The following TRPC5 variants were observed in gnomAD, a reference collection of about 807,000 sequenced individuals.
TRPC5 encodes short transient receptor potential channel 5.
A neutral mutation model predicts 56.5 loss-of-function variants in TRPC5; 9 were observed. That is an observed-to-expected ratio of 0.16 (90% CI 0.10 to 0.28). The LOEUF (loss-of-function observed/expected upper bound fraction) is 0.28. Among genes scored for constraint, TRPC5 ranks in the 10% least tolerant of loss-of-function variants. TRPC5 has a pLI of 1.00. For missense variants in TRPC5, 469 were observed against 748.9 expected, an observed-to-expected ratio of 0.63 and a Z score of 4.36; for synonymous variants, 282 against 278.5, an observed-to-expected ratio of 1.01 and a Z score of -0.13.
chrX:111,852,546 G>A (rs999871107), intron 4 of TRPC5, 109 bp from the exon 5 acceptor site: 49 of 889,443 alleles, frequency 5.5e-5, no homozygotes, highest in South Asian at 5.0e-4. Flanking sequence ...ATGAATTGGG[G>A]TCTCAGTGGA....
intron 2 of TRPC5, among the ~76,000 whole-genome samples, chrX:111,916,455 T>C (rs1925978878): frequency 8.9e-6 from 1 of 112,062 alleles, no homozygotes; most frequent in Non-Finnish European, 1.9e-5. Flanking sequence ...GCTGTTTTTA[T>C]TCCTTCCCAG....
Position 111,774,252 on chromosome X carries a change from T to C in TRPC5, c.*2061A>G, listed in dbSNP as rs1441623680. ...AACTTATAAGTTTTCAGAAGTGATA[T>C]ACATTTCTGAGAAAAACATGTTTTT... On this transcript the variant is annotated 3_prime_UTR_variant, in exon 11 of 11. Transcript: ENST00000262839. 1 of 112,182 alleles carries C rather than the reference T, an allele frequency of 8.9e-6. No individual in the cohort carries two copies. The highest frequency in any genetic ancestry group is 9.5e-5 in the Admixed American group (1 of 10,571). 9.2% of individuals were successfully genotyped at this position (112,182 alleles called of 1,213,427 possible).
intron 7 of TRPC5, among the ~76,000 whole-genome samples, chrX:111,802,873 T>A (rs1281771265): frequency 1.8e-5 from 2 of 111,458 alleles, no homozygotes; most frequent in African/African-American, 6.5e-5. Flanking sequence ...TATGTATTTT[T>A]TTATTATTAT....
intron 3 of TRPC5, among the ~76,000 whole-genome samples, chrX:111,863,203 C>A (rs1373061226): frequency 9.0e-6 from 1 of 111,725 alleles, no homozygotes; most frequent in Non-Finnish European, 1.9e-5. Context: ...CATCAGGTTA[C>A]TTTTTTTGGC....
At chrX:111,966,765 G>C (rs1927597355) in intron 1 of TRPC5, among the ~76,000 whole-genome samples, 1 of 112,402 alleles carries the variant, frequency 8.9e-6, no homozygotes, top group Admixed American at 9.4e-5. Flanking sequence ...AAAGGCTTTT[G>C]ACAAAATTCA....
chrX:111,922,795 A>G (rs991256220), intron 2 of TRPC5, among the ~76,000 whole-genome samples: 6 of 111,867 alleles, frequency 5.4e-5, no homozygotes, highest in African/African-American at 1.9e-4. Context: ...CACAGAACCC[A>G]CTGGCCTTTA....
intron 1 of TRPC5, among the ~76,000 whole-genome samples, chrX:112,033,993 C>G (rs1929657334): frequency 8.9e-6 from 1 of 112,244 alleles, no homozygotes; most frequent in Non-Finnish European, 1.9e-5. Flanking sequence ...GTGTATGTCT[C>G]TCCTTATGCC....
chrX:112,004,951 A>G (rs1003619179), intron 1 of TRPC5, among the ~76,000 whole-genome samples: 3 of 111,585 alleles, frequency 2.7e-5, no homozygotes, highest in Non-Finnish European at 5.6e-5. Context: ...TTAAGAAGCT[A>G]CATTTCTCAT....
intron 2 of TRPC5, among the ~76,000 whole-genome samples, chrX:111,949,875 C>T (rs1230916541): frequency 1.8e-5 from 2 of 111,214 alleles, no homozygotes; most frequent in African/African-American, 6.6e-5. Flanking sequence ...AGTCATTATA[C>T]GAAAAAGATA....
intron 2 of TRPC5, among the ~76,000 whole-genome samples, chrX:111,923,240 A>AAGT (rs1259223188): frequency 8.9e-6 from 1 of 112,149 alleles, no homozygotes; most frequent in Admixed American, 9.5e-5. Context: ...GACATATCTT[A>AAGT]AGTACATATT....
intron 1 of TRPC5, among the ~76,000 whole-genome samples, chrX:112,064,082 T>A (rs1432187682): frequency 1.8e-5 from 2 of 112,325 alleles, no homozygotes; most frequent in African/African-American, 3.2e-5. Context: ...CTGTCATATA[T>A]AGGAAAGTAA....
At chrX:111,784,201 G>A (rs1480725955) in intron 7 of TRPC5, among the ~76,000 whole-genome samples, 1 of 111,725 alleles carries the variant, frequency 9.0e-6, no homozygotes, top group Non-Finnish European at 1.9e-5. Context: ...ACTCTAATAG[G>A]AAAGCATAGG....
intron 3 of TRPC5, among the ~76,000 whole-genome samples, chrX:111,876,800 A>C (rs933368726): frequency 7.2e-5 from 8 of 111,804 alleles, no homozygotes; most frequent in African/African-American, 2.6e-4. Context: ...CGACAAACTC[A>C]GTTCCTGGCT....
At chrX:111,801,876 T>C (rs1921321431) in intron 7 of TRPC5, among the ~76,000 whole-genome samples, 1 of 112,085 alleles carries the variant, frequency 8.9e-6, no homozygotes, top group Admixed American at 9.5e-5. Context: ...GGCAAAAAGT[T>C]TTTAACTTTA....
chrX:111,921,917 G>A (rs1320714680), intron 2 of TRPC5, among the ~76,000 whole-genome samples: 1 of 111,978 alleles, frequency 8.9e-6, no homozygotes, highest in Admixed American at 9.5e-5. Context: ...AATGAGCATA[G>A]GACAGAGCCA....
intron 2 of TRPC5, among the ~76,000 whole-genome samples, chrX:111,924,531 A>G (rs1458110949): frequency 1.8e-5 from 2 of 111,570 alleles, no homozygotes; most frequent in Non-Finnish European, 3.8e-5. Context: ...TTCATGTTAC[A>G]TAACATCAAA....
chrX:111,841,489 C>G (rs978150279), intron 6 of TRPC5, among the ~76,000 whole-genome samples: 2 of 111,843 alleles, frequency 1.8e-5, no homozygotes, highest in African/African-American at 6.5e-5. Flanking sequence ...AATAACAACA[C>G]TGTCTACCTG....
At position 111,997,655 on chromosome X, in the gene TRPC5, G is replaced by A. The variant is rs148698098; in HGVS notation, c.-21-45214C>T. 7.0e-3 allele frequency among the ~76,000 whole-genome samples: 771 copies of A among 110,185 alleles called. 3 individuals carry two copies. Among genetic ancestry groups the A allele is most frequent in the African/African-American group, 0.024 (738 of 30,333 alleles). On this transcript the variant is annotated intron_variant, in intron 1 of 10. Transcript: ENST00000262839. ...TCAAACATAGATTTGGTCTTTTCAC[G>A]TTGTCCCATATTTCTTGGAGGCTTT...
Position 111,993,148 on chromosome X carries a change from G to A in TRPC5, c.-21-40707C>T, listed in dbSNP as rs182134623. 4.0e-3 allele frequency among the ~76,000 whole-genome samples: 426 copies of A among 106,956 alleles called. 2 individuals are homozygous for A. The highest frequency in any genetic ancestry group is 0.013 in the African/African-American group (367 of 29,259). 92.9% of individuals were successfully genotyped at this position (106,956 alleles called of 115,157 possible). On this transcript the variant is annotated intron_variant, in intron 1 of 10. Coordinates refer to ENST00000262839, the MANE Select transcript of TRPC5 (RefSeq NM_012471.3). ...TTCCTGCCTATGAGTGAGAAAATGC[G>A]GTGTTTGGTTTTCTGTCCTTGTGAT... is the stretch of plus-strand genomic sequence containing the variant.
Sources: allele counts gnomAD v4.1 joint callset (sites outside exome capture counted in the v4.1 genomes callset), GRCh38; gene constraint gnomAD v4.1.1; transcripts MANE v1.5; gene names NCBI Gene and HGNC (gene_info 2026-07-23, HGNC 2026-07-21).